The following GRIK1 variants were observed in gnomAD, a reference collection of about 807,000 sequenced individuals.
GRIK1 encodes glutamate ionotropic receptor kainate type subunit 1, also known as glutamate receptor ionotropic, kainate 1.
In GRIK1, 69 loss-of-function variants were observed where a neutral mutation model predicts 105.7. The observed-to-expected ratio is 0.65, with a 90% CI of 0.54 to 0.80. The LOEUF (loss-of-function observed/expected upper bound fraction) is 0.80. Among genes scored for constraint, GRIK1 ranks in the 30% least tolerant of loss-of-function variants. The probability of loss-of-function intolerance (pLI) is 0.00; values close to 1 mark genes in which losing one functional copy is unlikely to be tolerated. For missense variants in GRIK1, 1,109 were observed against 1,167.3 expected (o/e 0.95, Z 0.73); for synonymous variants, 438 against 431.3 (o/e 1.02, Z -0.19).
At chr21:29,588,774 C>A in intron 11 of GRIK1, 65 bp downstream of exon 11, 1 of 900,780 alleles carries the variant, frequency 1.1e-6, no homozygotes, top group South Asian at 1.5e-5. Context: ...CTTCTGACAT[C>A]ATTTTTTCCT....
chr21:29,792,766 C>T (rs1160842571), intron 1 of GRIK1, among the ~76,000 whole-genome samples: 2 of 152,178 alleles, frequency 1.3e-5, no homozygotes, highest in African/African-American at 4.8e-5. Context: ...TACACCTATT[C>T]CTATTCATGA....
At chr21:29,639,111 C>T (rs772703391) in intron 7 of GRIK1, among the ~76,000 whole-genome samples, 7 of 152,200 alleles carry the variant, frequency 4.6e-5, no homozygotes, top group Non-Finnish European at 1.0e-4. Context: ...AGTCCAGCTC[C>T]TGACTCTGTC....
At chr21:29,853,249 A>G (rs1329603510) in intron 1 of GRIK1, among the ~76,000 whole-genome samples, 1 of 152,228 alleles carries the variant, frequency 6.6e-6, no homozygotes, top group Non-Finnish European at 1.5e-5. Context: ...AAGTCTTAAC[A>G]TTTACATAGC....
intron 1 of GRIK1, among the ~76,000 whole-genome samples, chr21:29,908,024 A>C (rs1338110222): frequency 1.3e-5 from 2 of 152,120 alleles, no homozygotes; most frequent in Non-Finnish European, 2.9e-5. Context: ...AAGTTCAAGC[A>C]AGTGGTCCCA....
rs570232183 is a variant in GRIK1, at chr21:29,555,078, A to C, written c.2581T>G (p.Ser861Ala). 25 of 1,610,896 alleles carry C rather than the reference A, an allele frequency of 1.6e-5. No individual in the cohort carries two copies. The highest frequency in any genetic ancestry group is 2.1e-5 in the Non-Finnish European group (25 of 1,177,250). Residue 861 changes from serine (S) to alanine (A), a missense_variant, in exon 16 of 18, where the codon TCA becomes GCA. By Grantham distance (99) the Ser-to-Ala change is moderately conservative. Around this residue, in one of 5 missense-constraint regions of GRIK1, gnomAD observed 161 missense variants for 143.4 expected, o/e 1.12. Transcript: ENST00000327783. ...TGTTCAATATCATTATTCTTCCGTG[A>C]TTTGTATATGAATTCTCCAATAGCT... ...FVAIGEFIYKSRKNNDIEQKG... is the reference protein window; with the variant it reads ...FVAIGEFIYKARKNNDIEQKG...
intron 1 of GRIK1, among the ~76,000 whole-genome samples, chr21:29,859,621 C>T (rs1236356625): frequency 6.6e-6 from 1 of 152,152 alleles, no homozygotes; most frequent in Non-Finnish European, 1.5e-5. Flanking sequence ...CAGTAATGCA[C>T]TTGGCCAGTT....
At chr21:29,848,561 A>T (rs1162158484) in intron 1 of GRIK1, among the ~76,000 whole-genome samples, 1 of 151,934 alleles carries the variant, frequency 6.6e-6, no homozygotes, top group African/African-American at 2.4e-5. Flanking sequence ...TGCTTGTCAA[A>T]ATCTTATTCA....
At chr21:29,927,132 A>G (rs2071396442) in intron 1 of GRIK1, among the ~76,000 whole-genome samples, 1 of 152,168 alleles carries the variant, frequency 6.6e-6, no homozygotes, top group African/African-American at 2.4e-5. Flanking sequence ...ACTCACAGAC[A>G]TTGCCTTGCC....
chr21:29,578,876 C>T (rs2090954360), intron 13 of GRIK1, among the ~76,000 whole-genome samples: 1 of 151,958 alleles, frequency 6.6e-6, no homozygotes, highest in Non-Finnish European at 1.5e-5. Context: ...ATTAAAATAC[C>T]ATTTATTTCA....
At chr21:29,740,386 T>G (rs1180563880) in intron 1 of GRIK1, among the ~76,000 whole-genome samples, 1 of 152,020 alleles carries the variant, frequency 6.6e-6, no homozygotes, top group Non-Finnish European at 1.5e-5. Context: ...CCCAACTAAT[T>G]TTTGTATTTT....
At chr21:29,785,623 C>T (rs2066239968) in intron 1 of GRIK1, among the ~76,000 whole-genome samples, 1 of 145,082 alleles carries the variant, frequency 6.9e-6, no homozygotes, top group African/African-American at 2.5e-5. Context: ...TGTTCATATA[C>T]TTTTTGGTAT....
intron 1 of GRIK1, among the ~76,000 whole-genome samples, chr21:29,907,091 C>CACTTG (rs957455445): frequency 2.7e-5 from 4 of 150,028 alleles, no homozygotes; most frequent in African/African-American, 9.8e-5. Context: ...ACCTTCAATT[C>CACTTG]ACTTCCTCTA....
chr21:29,720,341 A>G (rs2064288245), intron 1 of GRIK1, among the ~76,000 whole-genome samples: 1 of 152,168 alleles, frequency 6.6e-6, no homozygotes, highest in Non-Finnish European at 1.5e-5. Flanking sequence ...GATGTAGCCT[A>G]TCAGCCTATC....
intron 1 of GRIK1, among the ~76,000 whole-genome samples, chr21:29,815,184 A>C (rs933730419): frequency 3.6e-4 from 55 of 152,308 alleles, no homozygotes; most frequent in African/African-American, 1.3e-3. Flanking sequence ...AAAAGAGTAC[A>C]TAAGATTATT....
intron 1 of GRIK1, among the ~76,000 whole-genome samples, chr21:29,807,113 C>T (rs565080709): frequency 1.1e-4 from 17 of 152,276 alleles, no homozygotes; most frequent in African/African-American, 3.6e-4. Flanking sequence ...AGTGTGTTCA[C>T]AATCAGCATG....
intron 1 of GRIK1, among the ~76,000 whole-genome samples, chr21:29,883,458 A>T (rs1465877289): frequency 6.6e-6 from 1 of 152,122 alleles, no homozygotes; most frequent in East Asian, 1.9e-4. Context: ...AAAGAAAGTC[A>T]TAACTAACAA....
chr21:29,717,553 A>G (rs2064209184), intron 1 of GRIK1, among the ~76,000 whole-genome samples: 1 of 152,244 alleles, frequency 6.6e-6, no homozygotes, highest in African/African-American at 2.4e-5. Context: ...TGACTGCCTT[A>G]TTGGAGTTTG....
intron 7 of GRIK1, among the ~76,000 whole-genome samples, chr21:29,625,102 G>A (rs1040427762): frequency 4.6e-5 from 7 of 152,084 alleles, no homozygotes; most frequent in African/African-American, 7.2e-5. Flanking sequence ...AATATCTTCC[G>A]TACTGTGGAT....
intron 1 of GRIK1, among the ~76,000 whole-genome samples, chr21:29,898,477 A>C (rs763425267): frequency 6.6e-6 from 1 of 152,204 alleles, no homozygotes; most frequent in Non-Finnish European, 1.5e-5. Context: ...AGAGACACTG[A>C]CTAATAAGCT....
Sources: allele counts gnomAD v4.1 joint callset (sites outside exome capture counted in the v4.1 genomes callset), GRCh38; gene constraint gnomAD v4.1.1; regional missense constraint gnomAD v4.1.1; transcripts MANE v1.5; gene names NCBI Gene and HGNC (gene_info 2026-07-23, HGNC 2026-07-21).